TDRD3: variants seen among roughly 807,000 people sequenced by gnomAD.
TDRD3 encodes the protein tudor domain-containing protein 3.
In TDRD3, 45 loss-of-function variants were observed where a neutral mutation model predicts 86.7. That is an observed-to-expected ratio of 0.52 (90% CI 0.41 to 0.67). TDRD3 has a LOEUF of 0.67. Ranked by LOEUF, TDRD3 falls within the 30% of genes least tolerant of loss-of-function variation. TDRD3 has a pLI of 0.00. For missense variants in TDRD3, 814 were observed against 889.0 expected (o/e 0.92, Z 1.07); for synonymous variants, 298 against 301.7 (o/e 0.99, Z 0.13).
At chr13:60,437,509 G>T (rs1223779763) in intron 1 of TDRD3, among the ~76,000 whole-genome samples, 1 of 151,812 alleles carries the variant, frequency 6.6e-6, no homozygotes, top group African/African-American at 2.4e-5. Context: ...TTCTAAATTT[G>T]TATTTTTGGG....
At chr13:60,443,318 A>G (rs892818729) in intron 2 of TDRD3, among the ~76,000 whole-genome samples, 5 of 152,000 alleles carry the variant, frequency 3.3e-5, no homozygotes, top group Non-Finnish European at 1.5e-5. Context: ...AAGGCGTACA[A>G]CGTGAGGTAC....
chr13:60,448,566 A>T (rs574287223), intron 3 of TDRD3, among the ~76,000 whole-genome samples: 1 of 152,052 alleles, frequency 6.6e-6, no homozygotes, highest in African/African-American at 2.4e-5. Flanking sequence ...GACAATCACA[A>T]TTTTTTCCAG....
chr13:60,406,692 A>G (rs1210048129), intron 1 of TDRD3, among the ~76,000 whole-genome samples: 1 of 152,204 alleles, frequency 6.6e-6, no homozygotes, highest in Non-Finnish European at 1.5e-5. Flanking sequence ...GAAAATGGAC[A>G]TATCTTTTGG....
At chr13:60,436,710 G>A (rs1955119544) in intron 1 of TDRD3, among the ~76,000 whole-genome samples, 1 of 152,166 alleles carries the variant, frequency 6.6e-6, no homozygotes, top group African/African-American at 2.4e-5. Context: ...TGTGATGTAT[G>A]GGCCTTGTTT....
chr13:60,463,500 AAT>A (rs1955847663), intron 4 of TDRD3, among the ~76,000 whole-genome samples: 1 of 152,114 alleles, frequency 6.6e-6, no homozygotes, highest in Non-Finnish European at 1.5e-5. Context: ...CATAAGTAAA[AAT>A]AGAAAATTGG....
At chr13:60,432,376 T>C (rs1954974919) in intron 1 of TDRD3, among the ~76,000 whole-genome samples, 1 of 152,142 alleles carries the variant, frequency 6.6e-6, no homozygotes, top group Admixed American at 6.6e-5. Context: ...CTAGCATTTT[T>C]ACCTTACTAA....
intron 1 of TDRD3, among the ~76,000 whole-genome samples, chr13:60,416,975 C>T (rs995945616): frequency 4.6e-5 from 7 of 151,148 alleles, no homozygotes; most frequent in African/African-American, 1.7e-4. Context: ...ATCTTTGGTC[C>T]ACTTTCTTGT....
intron 13 of TDRD3, among the ~76,000 whole-genome samples, chr13:60,572,014 T>C (rs1249055801): frequency 2.0e-5 from 3 of 152,166 alleles, no homozygotes; most frequent in Non-Finnish European, 2.9e-5. Context: ...TATGAGCAGA[T>C]ATAAAATAGA....
rs1249692812 is a variant in TDRD3 at position 60,573,645 on chromosome 13, G to T, written c.*39G>T. On this transcript the variant is annotated 3_prime_UTR_variant, in exon 14 of 14. Transcript: ENST00000377881. ...TTTGTGAAGAAACGAGCCAGTGACT[G>T]AAACACCCTGGTGGAAACCTGTTGA... The T allele has an allele frequency of 1.0e-6, 1 of 985,272 alleles. No individual in the cohort carries two copies. The highest frequency in any genetic ancestry group is 1.2e-6 in the Non-Finnish European group (1 of 829,910). 61.0% of individuals were successfully genotyped at this position (985,272 alleles called of 1,614,324 possible). A position where few individuals can be genotyped will look rare whatever the true frequency, so the allele number is the denominator to read the frequency against.
chr13:60,546,769 A>G (rs534506757), intron 12 of TDRD3, among the ~76,000 whole-genome samples: 3 of 152,276 alleles, frequency 2.0e-5, no homozygotes, highest in African/African-American at 7.2e-5. Context: ...GTTTAAGGGA[A>G]AAGTTATTTT....
intron 1 of TDRD3, among the ~76,000 whole-genome samples, chr13:60,421,496 A>G (rs1015004375): frequency 2.6e-5 from 4 of 152,226 alleles, no homozygotes; most frequent in African/African-American, 7.2e-5. Flanking sequence ...CAGCCAAACC[A>G]TATCACATAC....
At chr13:60,399,499 AG>A (rs1484006526) in intron 1 of TDRD3, among the ~76,000 whole-genome samples, 1 of 152,202 alleles carries the variant, frequency 6.6e-6, no homozygotes, top group Non-Finnish European at 1.5e-5. Flanking sequence ...CTAGGCTTTC[AG>A]GTGGCTTCTA....
intron 1 of TDRD3, among the ~76,000 whole-genome samples, chr13:60,397,789 C>T (rs1322723931): frequency 6.6e-6 from 1 of 151,690 alleles, no homozygotes; most frequent in African/African-American, 2.4e-5. Context: ...GTTTCTGCAG[C>T]GGGATCGGGA....
intron 3 of TDRD3, among the ~76,000 whole-genome samples, chr13:60,446,047 GATT>G (rs1469857709): frequency 6.6e-6 from 1 of 151,996 alleles, no homozygotes; most frequent in Non-Finnish European, 1.5e-5. Flanking sequence ...TTCTGATCTA[GATT>G]ATTATGTCAA....
intron 1 of TDRD3, among the ~76,000 whole-genome samples, chr13:60,432,150 ACTC>A (rs1954969685): frequency 6.6e-6 from 1 of 151,642 alleles, no homozygotes; most frequent in African/African-American, 2.4e-5. Flanking sequence ...CATAGTACTC[ACTC>A]CTCTGAATTA....
intron 1 of TDRD3, among the ~76,000 whole-genome samples, chr13:60,408,314 G>A (rs1313690470): frequency 1.3e-5 from 2 of 152,174 alleles, no homozygotes; most frequent in Non-Finnish European, 2.9e-5. Flanking sequence ...AACTAATATA[G>A]TAAATTAGTA....
At position 60,435,918 on chromosome 13, in the gene TDRD3, G is replaced by GTTTTTTTTTTTTTTTTTTTTTTTTTTTT. The variant is rs767705603; in HGVS notation, c.42-3757_42-3756insTTTTTTTTTTTTTTTTTTTTTTTTTTTT. 3.0e-4 allele frequency among the ~76,000 whole-genome samples: 37 copies of GTTTTTTTTTTTTTTTTTTTTTTTTTTTT among 124,732 alleles called. 1 individual carries two copies. The highest frequency in any genetic ancestry group is 4.7e-3 in the Middle Eastern group (1 of 214). The allele number at this position is 124,732 out of a possible 152,430, so 81.8% of individuals were successfully genotyped here. On this transcript the variant is annotated intron_variant, in intron 1 of 13. Transcript: ENST00000377881. Reference sequence around the variant, plus strand: ...AAACCACATCATGACAACATCTATGGTTTTTTTTTTTTTACTTTTTAATTA... The same window carrying GTTTTTTTTTTTTTTTTTTTTTTTTTTTT: ...AAACCACATCATGACAACATCTATGGTTTTTTTTTTTTTTTTTTTTTTTTTTTTTTTTTTTTTTTTTACTTTTTAATTA...
chr13:60,504,517 G>T (rs900557422), intron 8 of TDRD3, among the ~76,000 whole-genome samples: 2 of 152,138 alleles, frequency 1.3e-5, no homozygotes, highest in Admixed American at 1.3e-4. Flanking sequence ...CCACATATTT[G>T]CATTTTGATG....
At chr13:60,441,637 G>C (rs1364087240) in intron 2 of TDRD3, among the ~76,000 whole-genome samples, 1 of 152,070 alleles carries the variant, frequency 6.6e-6, no homozygotes, top group Admixed American at 6.6e-5. Context: ...AATTAACCAC[G>C]AGTTGAGAAA....
Sources: gnomAD v4.1 joint callset for allele counts (sites outside exome capture counted in the v4.1 genomes callset) on GRCh38, gnomAD v4.1.1 for gene constraint, MANE v1.5 for transcripts, NCBI Gene and HGNC (gene_info 2026-07-23, HGNC 2026-07-21) for gene names.